The following RANBP2 variants were observed in gnomAD, a reference collection of about 807,000 sequenced individuals.
RANBP2 encodes E3 SUMO-protein ligase RanBP2.
RANBP2 carries 57 observed loss-of-function variants against 303.6 expected under a neutral mutation model. The observed-to-expected ratio is 0.19, with a 90% confidence interval of 0.15 to 0.23. The LOEUF (loss-of-function observed/expected upper bound fraction) is 0.23. Ranked by LOEUF, RANBP2 falls within the 10% of genes least tolerant of loss-of-function variation. The probability of loss-of-function intolerance (pLI) is 1.00; values close to 1 mark genes in which losing one functional copy is unlikely to be tolerated. For synonymous variants in RANBP2, 1,167 were observed against 1,301.5 expected (o/e 0.90, Z 2.23); for missense variants, 3,138 against 3,780.8 (o/e 0.83, Z 4.46).
chr2:108,748,901 A>T lies in RANBP2; in HGVS notation c.1064-19A>T, dbSNP rs1167575062. 9.3e-6 allele frequency: 15 copies of T among 1,610,700 alleles called. No homozygotes were observed. The highest frequency in any genetic ancestry group is 1.7e-6 in the Non-Finnish European group (2 of 1,178,858). ...CTGTAATTTTAAAGTGATGGAAATA[A>T]CTTAAATTTTTTTTTCAGGGCACAT... On this transcript the variant is annotated intron_variant, in intron 8 of 28. Transcript: ENST00000283195.
the RANBP2 span, among the ~76,000 whole-genome samples, chr2:109,238,488 TGTGTGTGTGTGAGA>T: frequency 2.9e-5 from 4 of 137,898 alleles, no homozygotes; most frequent in African/African-American, 1.2e-4. Flanking sequence ...TGTGTGTGTG[TGTGTGTGTGTGAGA>T]GTGAGACAGA....
At chr2:109,380,120 C>T in the RANBP2 span, among the ~76,000 whole-genome samples, 2 of 152,070 alleles carry the variant, frequency 1.3e-5, no homozygotes, top group Non-Finnish European at 2.9e-5. Flanking sequence ...ACTGCCAAGG[C>T]GTGATCCACA....
chr2:109,677,678 T>C, the RANBP2 span, among the ~76,000 whole-genome samples: 1 of 152,138 alleles, frequency 6.6e-6, no homozygotes, highest in African/African-American at 2.4e-5. Context: ...TTTCAGTAAC[T>C]CCAACCACCA....
chr2:109,325,331 C>CTTTTTTTT, the RANBP2 span, among the ~76,000 whole-genome samples: 91 of 66,258 alleles, frequency 1.4e-3, no homozygotes, highest in Middle Eastern at 0.012. Context: ...TTCTTTCTTT[C>CTTTTTTTT]TTTTTTTTTT....
the RANBP2 span, among the ~76,000 whole-genome samples, chr2:109,334,658 A>G: frequency 6.6e-6 from 1 of 152,182 alleles, no homozygotes; most frequent in African/African-American, 2.4e-5. Context: ...CACACTTAAT[A>G]ATGCAGACAA....
chr2:109,240,850 C>T, the RANBP2 span, among the ~76,000 whole-genome samples: 2 of 150,774 alleles, frequency 1.3e-5, no homozygotes, highest in African/African-American at 4.9e-5. Context: ...ACCCCCACCC[C>T]CACCCCTGCC....
At chr2:109,445,518 G>A in the RANBP2 span, among the ~76,000 whole-genome samples, 1 of 152,170 alleles carries the variant, frequency 6.6e-6, no homozygotes, top group Non-Finnish European at 1.5e-5. Context: ...AATATTAAGT[G>A]TAAAGAAAAA....
the RANBP2 span, among the ~76,000 whole-genome samples, chr2:109,523,792 C>G: frequency 6.6e-6 from 1 of 152,176 alleles, no homozygotes; most frequent in African/African-American, 2.4e-5. Context: ...TCCCTGACAC[C>G]CATTGAGGCT....
chr2:109,726,633 A>C, the RANBP2 span, among the ~76,000 whole-genome samples: 4 of 152,058 alleles, frequency 2.6e-5, no homozygotes. Context: ...TAACCTCACC[A>C]ATCCTGCTAA....
the RANBP2 span, among the ~76,000 whole-genome samples, chr2:109,478,499 C>G: frequency 1.3e-5 from 2 of 152,212 alleles, no homozygotes; most frequent in South Asian, 4.1e-4. Context: ...TTCATGCTTT[C>G]CATGAAAATG....
At chr2:108,797,259 T>G in the RANBP2 span, among the ~76,000 whole-genome samples, 1 of 152,108 alleles carries the variant, frequency 6.6e-6, no homozygotes, top group Non-Finnish European at 1.5e-5. Flanking sequence ...TAAAGGAGCC[T>G]GAGAAGCCAT....
the RANBP2 span, among the ~76,000 whole-genome samples, chr2:109,586,941 G>GA: frequency 6.6e-6 from 1 of 151,986 alleles, no homozygotes; most frequent in South Asian, 2.1e-4. Context: ...TGCAGAAGAA[G>GA]AAAACAGAAT....
At chr2:109,490,070 TC>T in the RANBP2 span, among the ~76,000 whole-genome samples, 1 of 152,184 alleles carries the variant, frequency 6.6e-6, no homozygotes, top group East Asian at 1.9e-4. Context: ...TTTGTTTTCC[TC>T]CTCTGAGCCA....
chr2:108,892,907 C>A, the RANBP2 span, among the ~76,000 whole-genome samples: 2 of 152,174 alleles, frequency 1.3e-5, no homozygotes, highest in Non-Finnish European at 2.9e-5. Flanking sequence ...ACTGTCTACA[C>A]ACTGTTTTTG....
chr2:109,128,853 G>C, the RANBP2 span: 1 of 247,878 alleles, frequency 4.0e-6, no homozygotes, highest in African/African-American at 2.4e-5. Context: ...GAGGTTCCCC[G>C]GAGCCCTGGA....
At chr2:108,800,984 TCCATGG>T in the RANBP2 span, among the ~76,000 whole-genome samples, 28 of 71,016 alleles carry the variant, frequency 3.9e-4, no homozygotes, top group African/African-American at 1.2e-3. Context: ...TGCATAGTAT[TCCATGG>T]TATATATGTG....
the RANBP2 span, among the ~76,000 whole-genome samples, chr2:109,345,696 A>G: frequency 6.6e-6 from 1 of 152,226 alleles, no homozygotes; most frequent in Non-Finnish European, 1.5e-5. Context: ...ATGAAAATAA[A>G]TGTTATATTT....
the RANBP2 span, chr2:109,546,317 G>C: frequency 2.3e-6 from 2 of 872,208 alleles, no homozygotes. Context: ...ACACAAAGGC[G>C]GACCCCATAG....
chr2:109,693,233 A>C, the RANBP2 span, among the ~76,000 whole-genome samples: 2 of 152,060 alleles, frequency 1.3e-5, no homozygotes, highest in Admixed American at 6.5e-5. Context: ...GCTGGAGTGC[A>C]GTGGCACGAT....
Sources: allele counts gnomAD v4.1 joint callset (sites outside exome capture counted in the v4.1 genomes callset), GRCh38; gene constraint gnomAD v4.1.1; transcripts MANE v1.5; gene names NCBI Gene and HGNC (gene_info 2026-07-23, HGNC 2026-07-21).